CHAMP1: variants seen among roughly 807,000 people sequenced by gnomAD.
CHAMP1 encodes chromosome alignment-maintaining phosphoprotein 1.
CHAMP1 carries 4 observed loss-of-function variants against 54.5 expected under a neutral mutation model. That is an observed-to-expected ratio of 0.07 (90% confidence interval 0.04 to 0.17). The LOEUF (loss-of-function observed/expected upper bound fraction) is 0.17. CHAMP1 is among the 10% of genes least tolerant of loss of function. CHAMP1 has a pLI of 1.00. For synonymous variants in CHAMP1, 368 were observed against 342.2 expected (o/e 1.08, Z -0.83); for missense variants, 994 against 968.6 (o/e 1.03, Z -0.35).
rs782781084 is a variant in CHAMP1, at chr13:114,325,820, G to A, written c.1978G>A (p.Val660Met). Residue 660 changes from valine to methionine, a missense_variant, in exon 3 of 3, where the codon GTG becomes ATG. Coordinates refer to ENST00000361283, the MANE Select transcript of CHAMP1 (RefSeq NM_032436.4). ...AAGCAGTGATCAAGAGCAGGTTGAT[G>A]TGGAATCCATTGATTTTAGCAAAGA... ...ESSSDQEQVDVESIDFSKENK... is the reference protein window; with the variant it reads ...ESSSDQEQVDMESIDFSKENK... 4.3e-6 allele frequency: 7 copies of A among 1,614,192 alleles called. No individual in the cohort carries two copies. Among genetic ancestry groups the A allele is most frequent in the Non-Finnish European group, 5.9e-6 (7 of 1,180,034 alleles).
rs1412337666 is a variant in CHAMP1 at position 114,321,091 on chromosome 13, T to C, written c.-178-19T>C. On this transcript the variant is annotated intron_variant, in intron 1 of 2. Coordinates refer to ENST00000361283, the MANE Select transcript of CHAMP1 (RefSeq NM_032436.4). ...ATATAGTTTTGATTACTTTTCTTTTTTTTTTTTTTTTTTTCCAGGTTCAAC... is the reference window on the plus strand; with the variant it reads ...ATATAGTTTTGATTACTTTTCTTTTCTTTTTTTTTTTTTTCCAGGTTCAAC... The C allele has an allele frequency of 3.5e-5, 5 of 142,532 alleles. No individual in the cohort carries two copies. Among genetic ancestry groups the C allele is most frequent in the East Asian group, 1.9e-4 (1 of 5,170 alleles). The allele number at this position is 142,532 out of a possible 1,614,324, so 8.8% of individuals were successfully genotyped here.
chr13:114,321,554 A>G (rs1401882222), intron 2 of CHAMP1, among the ~76,000 whole-genome samples: 1 of 152,168 alleles, frequency 6.6e-6, no homozygotes, highest in East Asian at 1.9e-4. Flanking sequence ...TGTAATTACA[A>G]TATGTAATAT....
intron 1 of CHAMP1, among the ~76,000 whole-genome samples, chr13:114,318,857 CTTTTTTTTTTTTTTTT>C (rs56669844): frequency 4.0e-3 from 97 of 24,204 alleles, no homozygotes; most frequent in Non-Finnish European, 5.9e-3. Flanking sequence ...TCCTGGTTGC[CTTTTTTTTTTTTTTTT>C]TTTTTTTTTT....
rs782300456 is a variant in CHAMP1 at position 114,325,467 on chromosome 13, C to T, written c.1625C>T (p.Ser542Phe). Reference sequence around the variant, plus strand: ...CCTGCCAAAACAGCCCCTCCTGCTTCTCCAGAAGCACGCAAACGTGCCCTT... The same window carrying T: ...CCTGCCAAAACAGCCCCTCCTGCTTTTCCAGAAGCACGCAAACGTGCCCTT... ...PEPAKTAPPA[S>F]PEARKRALFP... Residue 542 changes from serine (S) to phenylalanine (F), a missense_variant, in exon 3 of 3, where the codon TCT (serine) becomes TTT (phenylalanine). Ser to Phe is a radical substitution (Grantham distance 155, BLOSUM62 -2). Coordinates refer to ENST00000361283, the MANE Select transcript of CHAMP1 (RefSeq NM_032436.4). 1 of 1,614,166 alleles carries T rather than the reference C, an allele frequency of 6.2e-7. No homozygotes were observed. Among genetic ancestry groups the T allele is most frequent in the Non-Finnish European group, 8.5e-7 (1 of 1,180,038 alleles).
At chr13:114,319,772 G>A (rs138015755) in intron 1 of CHAMP1, among the ~76,000 whole-genome samples, 126 of 152,336 alleles carry the variant, frequency 8.3e-4, no homozygotes, top group African/African-American at 2.8e-3. Context: ...TTAAAAAGCT[G>A]TCCTGCCTGA....
chr13:114,325,893 A>C lies in CHAMP1; in HGVS notation c.2051A>C (p.Gln684Pro). The change falls in exon 3 of 3, where the codon CAG becomes CCG. Residue 684 changes from glutamine (Q) to proline (P), a missense_variant. Around this residue, in one of 3 missense-constraint regions of CHAMP1, gnomAD observed 851 missense variants for 701.3 expected, o/e 1.21. Transcript: ENST00000361283. ...CCAGAGCAGTCTAGAAATGTGCTAC[A>C]GTTTACTGAAGAAAAAGAAGCTTTT... is the stretch of plus-strand genomic sequence containing the variant. ...TSPEQSRNVL[Q>P]FTEEKEAFIS... 6.2e-7 allele frequency: 1 copy of C among 1,613,974 alleles called. No homozygotes were observed. The highest frequency in any genetic ancestry group is 8.5e-7 in the Non-Finnish European group (1 of 1,179,970).
rs143869900 is a variant in CHAMP1, at chr13:114,323,896, T to C, written c.54T>C (p.His18=). ...CATCAGCACGTTTGGAGTGTGACCATTGCAGTTTCAGAGGCACAGACTATG... is the reference window on the plus strand; with the variant it reads ...CATCAGCACGTTTGGAGTGTGACCACTGCAGTTTCAGAGGCACAGACTATG... ...RKPSARLECD[H]CSFRGTDYEN... is the part of the protein sequence containing the mutation. Residue 18 remains histidine, a synonymous_variant, in exon 3 of 3, where the codon CAT becomes CAC. Coordinates refer to ENST00000361283, the MANE Select transcript of CHAMP1 (RefSeq NM_032436.4). 1.5e-5 allele frequency: 25 copies of C among 1,613,758 alleles called. No individual in the cohort carries two copies. Among genetic ancestry groups the C allele is most frequent in the Admixed American group, 1.0e-4 (6 of 60,002 alleles).
intron 1 of CHAMP1, among the ~76,000 whole-genome samples, chr13:114,318,857 C>CTTTTTTTT (rs56669844): frequency 1.4e-3 from 35 of 24,192 alleles, no homozygotes; most frequent in Non-Finnish European, 1.9e-3. Context: ...TCCTGGTTGC[C>CTTTTTTTT]TTTTTTTTTT....
chr13:114,325,728 C>G lies in CHAMP1; in HGVS notation c.1886C>G (p.Ala629Gly), dbSNP rs1555379894. The change falls in exon 3 of 3, where the codon GCT becomes GGT. Residue 629 changes from alanine to glycine, a missense_variant. Coordinates refer to ENST00000361283, the MANE Select transcript of CHAMP1 (RefSeq NM_032436.4). ...LKKDNQESSD[A>G]ELSSSEYIKT... ...AAAGACAACCAAGAGAGCTCAGACG[C>G]TGAGCTTAGTAGTAGTGAGTACATA... The G allele has an allele frequency of 6.2e-7, 1 of 1,614,112 alleles. No homozygotes were observed. Among genetic ancestry groups the G allele is most frequent in the Non-Finnish European group, 8.5e-7 (1 of 1,180,026 alleles).
Position 114,324,611 on chromosome 13 carries a change from T to C in CHAMP1, c.769T>C (p.Trp257Arg). The change falls in exon 3 of 3, where the codon TGG (tryptophan) becomes CGG (arginine). Residue 257 changes from tryptophan (W) to arginine (R), a missense_variant. By Grantham distance (101) the Trp-to-Arg change is moderately radical. Coordinates refer to ENST00000361283, the MANE Select transcript of CHAMP1 (RefSeq NM_032436.4). ...SPVLAASPEP[W>R]GPSPAASPES... The stretch of plus-strand genomic sequence containing the variant: ...AGTTCTAGCTGCTTCCCCAGAACCT[T>C]GGGGACCATCCCCAGCTGCATCTCC... 6.2e-7 allele frequency: 1 copy of C among 1,614,088 alleles called. No individual in the cohort carries two copies. Among genetic ancestry groups the C allele is most frequent in the Non-Finnish European group, 8.5e-7 (1 of 1,180,022 alleles).
chr13:114,318,204 G>T (rs1285088816), intron 1 of CHAMP1, among the ~76,000 whole-genome samples: 2 of 152,026 alleles, frequency 1.3e-5, no homozygotes, highest in African/African-American at 4.8e-5. Context: ...TCAGTGTTGT[G>T]ATCTTTGACA....
chr13:114,323,540 C>A (rs561658122), intron 2 of CHAMP1: 21 of 281,522 alleles, frequency 7.5e-5, no homozygotes, highest in African/African-American at 4.4e-4. Context: ...GAACCTGTTT[C>A]TTCATCTGTA....
At position 114,324,657 on chromosome 13, in the gene CHAMP1, G is replaced by A. The variant is rs1555379557; in HGVS notation, c.815G>A (p.Arg272Gln). The change falls in exon 3 of 3, where the codon CGG becomes CAG. Residue 272 changes from arginine (R) to glutamine (Q), a missense_variant. Arg to Gln is a conservative substitution (Grantham distance 43). This residue lies in a region of CHAMP1 where 851 missense variants were observed against 701.3 expected (regional missense o/e 1.21). Coordinates refer to ENST00000361283, the MANE Select transcript of CHAMP1 (RefSeq NM_032436.4). ...AASPESRKSA[R>Q]TTSPEPRKPS... The stretch of plus-strand genomic sequence containing the variant: ...TCTCCAGAATCTCGGAAGTCAGCCC[G>A]GACTACCTCCCCTGAGCCAAGGAAG... 6.2e-6 allele frequency: 10 copies of A among 1,613,764 alleles called. No homozygotes were observed. Among genetic ancestry groups the A allele is most frequent in the South Asian group, 2.2e-5 (2 of 91,064 alleles).
At chr13:114,323,695 C>T in intron 2 of CHAMP1, 93 bp from the exon 3 acceptor site, 2 of 1,058,842 alleles carry the variant, frequency 1.9e-6, no homozygotes, top group South Asian at 3.4e-5. Context: ...ACGCACTGTT[C>T]TAGACTTAAA....
Position 114,316,468 on chromosome 13 carries a change from T to A in CHAMP1, c.-179+1825T>A, listed in dbSNP as rs1244585645. ...GTGAGCCTGTGGTGGCGCGCGCCTGTAGTCCCAGCTACTGGGGAGGCTGAG... is the reference window on the plus strand; with the variant it reads ...GTGAGCCTGTGGTGGCGCGCGCCTGAAGTCCCAGCTACTGGGGAGGCTGAG... On this transcript the variant is annotated intron_variant, in intron 1 of 2. Transcript: ENST00000361283. Among the ~76,000 whole-genome samples, 6 of 151,322 alleles carry A rather than the reference T, an allele frequency of 4.0e-5. No homozygotes were observed. In the East Asian group the frequency reaches 1.2e-3, roughly 30 times the overall value.
In CHAMP1 at chr13:114,325,198, T is replaced by C; in HGVS notation, c.1356T>C (p.Ser452=). The C allele has an allele frequency of 6.2e-7, 1 of 1,614,160 alleles. No homozygotes were observed. Among genetic ancestry groups the C allele is most frequent in the Non-Finnish European group, 8.5e-7 (1 of 1,180,028 alleles). Residue 452 remains serine, a synonymous_variant, in exon 3 of 3, where the codon TCT becomes TCC. Coordinates refer to ENST00000361283, the MANE Select transcript of CHAMP1 (RefSeq NM_032436.4). ...GGTCACCAGATCTTTGGAAGCTTTCTCCTGATCAGCGGAAAACTTCTCCTG... is the reference window on the plus strand; with the variant it reads ...GGTCACCAGATCTTTGGAAGCTTTCCCCTGATCAGCGGAAAACTTCTCCTG... ...PSGSPDLWKL[S]PDQRKTSPAS... is the part of the protein sequence containing the mutation.
Position 114,326,173 on chromosome 13 carries a change from A to G in CHAMP1, c.2331A>G (p.Pro777=), listed in dbSNP as rs782121908. 6.2e-7 allele frequency: 1 copy of G among 1,613,008 alleles called. No individual in the cohort carries two copies. The highest frequency in any genetic ancestry group is 8.5e-7 in the Non-Finnish European group (1 of 1,179,390). The part of the protein sequence containing the change: ...CPRCNFESNF[P]RGFKKHLTHC... ...GTTGTAATTTTGAATCAAATTTCCCAAGAGGTTTTAAGAAACATTTAACTC... is the reference window on the plus strand; with the variant it reads ...GTTGTAATTTTGAATCAAATTTCCCGAGAGGTTTTAAGAAACATTTAACTC... The change falls in exon 3 of 3, where the codon CCA becomes CCG. Residue 777 remains proline, a synonymous_variant. Coordinates refer to ENST00000361283, the MANE Select transcript of CHAMP1 (RefSeq NM_032436.4).
At chr13:114,317,611 C>T (rs2087115734) in intron 1 of CHAMP1, among the ~76,000 whole-genome samples, 2 of 151,922 alleles carry the variant, frequency 1.3e-5, no homozygotes, top group East Asian at 3.9e-4. Flanking sequence ...GGCAACAGAG[C>T]GAGACCCTGT....
Position 114,325,329 on chromosome 13 carries a change from C to T in CHAMP1, c.1487C>T (p.Thr496Ile). Reference sequence around the variant, plus strand: ...CCTCAGAAACCTGTCTTCCCTGAGACCCGAAAACCAGGTCCTTCTGGGCCA... The same window carrying T: ...CCTCAGAAACCTGTCTTCCCTGAGATCCGAAAACCAGGTCCTTCTGGGCCA... ...IEPQKPVFPE[T>I]RKPGPSGPSE... is the part of the protein sequence containing the mutation. The change falls in exon 3 of 3, where the codon ACC (threonine) becomes ATC (isoleucine). Residue 496 changes from threonine to isoleucine, a missense_variant. Around this residue, in one of 3 missense-constraint regions of CHAMP1, gnomAD observed 851 missense variants for 701.3 expected, o/e 1.21. Coordinates refer to ENST00000361283, the MANE Select transcript of CHAMP1 (RefSeq NM_032436.4). 1.9e-6 allele frequency: 3 copies of T among 1,614,168 alleles called. No homozygotes were observed.
Sources: allele counts gnomAD v4.1 joint callset (sites outside exome capture counted in the v4.1 genomes callset), GRCh38; gene constraint gnomAD v4.1.1; regional missense constraint gnomAD v4.1.1; transcripts MANE v1.5; gene names NCBI Gene and HGNC (gene_info 2026-07-23, HGNC 2026-07-21).